The following CEP85L variants were observed in gnomAD, a reference collection of about 807,000 sequenced individuals.
CEP85L encodes the protein centrosomal protein 85L.
A neutral mutation model predicts 100.3 loss-of-function variants in CEP85L; 60 were observed. That is an observed-to-expected ratio of 0.60 (90% CI 0.49 to 0.74). CEP85L has a LOEUF of 0.74. Among genes scored for constraint, CEP85L ranks in the 30% least tolerant of loss-of-function variants. The pLI is 0.00. For synonymous variants in CEP85L, 319 were observed against 322.7 expected (o/e 0.99, Z 0.12); for missense variants, 973 against 936.2 (o/e 1.04, Z -0.51).
intron 3 of CEP85L, among the ~76,000 whole-genome samples, chr6:118,541,156 CG>C (rs894994777): frequency 3.9e-5 from 6 of 152,162 alleles, no homozygotes; most frequent in African/African-American, 1.4e-4. Flanking sequence ...AATACATTAA[CG>C]GGGCAGCCTT....
intron 3 of CEP85L, among the ~76,000 whole-genome samples, chr6:118,525,297 C>T (rs1301923433): frequency 6.6e-6 from 1 of 152,110 alleles, no homozygotes; most frequent in Admixed American, 6.6e-5. Flanking sequence ...TATATTTCTT[C>T]CGTTGAAAAA....
intron 1 of CEP85L, among the ~76,000 whole-genome samples, chr6:118,688,473 C>G (rs1375217533): frequency 6.6e-6 from 1 of 152,196 alleles, no homozygotes; most frequent in East Asian, 1.9e-4. Context: ...AAATGAAAAG[C>G]AGAAATTGGA....
upstream of CEP85L, among the ~76,000 whole-genome samples, chr6:118,655,032 TATGGTGAA>T (rs527709883): frequency 1.4e-3 from 210 of 152,300 alleles, no homozygotes; most frequent in African/African-American, 4.9e-3. Context: ...GTCCAGGAAT[TATGGTGAA>T]ATAGTACACT....
chr6:118,676,359 T>C (rs1776482685), intron 1 of CEP85L, among the ~76,000 whole-genome samples: 1 of 152,216 alleles, frequency 6.6e-6, no homozygotes, highest in Non-Finnish European at 1.5e-5. Context: ...TCTCTAGCCG[T>C]TGGTAAGCAC....
intron 2 of CEP85L, among the ~76,000 whole-genome samples, chr6:118,625,576 C>T (rs577256561): frequency 5.3e-5 from 8 of 152,240 alleles, no homozygotes; most frequent in South Asian, 2.1e-4. Flanking sequence ...CCTCCAAAAA[C>T]GAAGGGCCCT....
At chr6:118,527,002 CTTTTTTTTT>C (rs764883723) in intron 3 of CEP85L, among the ~76,000 whole-genome samples, 5 of 98,730 alleles carry the variant, frequency 5.1e-5, no homozygotes, top group South Asian at 8.3e-4. Context: ...TTTACTTTTT[CTTTTTTTTT>C]TTTTTTTTTT....
At chr6:118,608,857 T>C (rs1772424065) in intron 2 of CEP85L, among the ~76,000 whole-genome samples, 1 of 152,206 alleles carries the variant, frequency 6.6e-6, no homozygotes, top group East Asian at 1.9e-4. Flanking sequence ...TCATATACCA[T>C]AAATTGGCAG....
chr6:118,610,668 C>A (rs1273086543), intron 2 of CEP85L, among the ~76,000 whole-genome samples: 2 of 151,976 alleles, frequency 1.3e-5, no homozygotes, highest in Non-Finnish European at 2.9e-5. Flanking sequence ...GACAGTGCCC[C>A]ATAACTTTCA....
intron 2 of CEP85L, among the ~76,000 whole-genome samples, chr6:118,614,365 G>A (rs893994459): frequency 9.2e-5 from 14 of 152,134 alleles, no homozygotes; most frequent in African/African-American, 3.4e-4. Flanking sequence ...CATTGTGCTA[G>A]ATTCTTCTAG....
At chr6:118,493,018 G>C (rs1774675900) in intron 5 of CEP85L, among the ~76,000 whole-genome samples, 1 of 152,142 alleles carries the variant, frequency 6.6e-6, no homozygotes. Flanking sequence ...GAAGCCTTTA[G>C]ATGATTGTAA....
chr6:118,702,807 T>G (rs191989809), intron 1 of CEP85L, among the ~76,000 whole-genome samples: 3 of 152,152 alleles, frequency 2.0e-5, no homozygotes, highest in Non-Finnish European at 2.9e-5. Flanking sequence ...CTACCGTGGC[T>G]AACATGGTGA....
chr6:118,577,440 G>A (rs887226197), intron 2 of CEP85L, among the ~76,000 whole-genome samples: 7 of 152,138 alleles, frequency 4.6e-5, no homozygotes, highest in African/African-American at 1.4e-4. Context: ...TTATATAGAT[G>A]CCATCAGAGT....
chr6:118,637,677 G>A (rs1354769287), intron 1 of CEP85L, among the ~76,000 whole-genome samples: 49 of 123,230 alleles, frequency 4.0e-4, no homozygotes, highest in Non-Finnish European at 6.8e-4. Flanking sequence ...CTACACTCCA[G>A]CCTGGGTAAT....
intron 2 of CEP85L, among the ~76,000 whole-genome samples, chr6:118,568,927 A>C (rs991025313): frequency 3.9e-5 from 6 of 152,176 alleles, no homozygotes; most frequent in Non-Finnish European, 8.8e-5. Context: ...AAATCATCAT[A>C]GCCTCTAAAA....
intron 2 of CEP85L, among the ~76,000 whole-genome samples, chr6:118,607,697 TG>T (rs2115206697): frequency 6.6e-6 from 1 of 152,260 alleles, no homozygotes; most frequent in African/African-American, 2.4e-5. Flanking sequence ...TCCCCTAAGT[TG>T]GGCCTCTAAC....
chr6:118,666,899 GT>G (rs1776150140), intron 1 of CEP85L, among the ~76,000 whole-genome samples: 2 of 152,162 alleles, frequency 1.3e-5, no homozygotes, highest in South Asian at 4.1e-4. Flanking sequence ...GGGTCTGAAG[GT>G]ATAGACTAGA....
At chr6:118,671,260 A>G (rs1776296840) in intron 1 of CEP85L, among the ~76,000 whole-genome samples, 1 of 152,204 alleles carries the variant, frequency 6.6e-6, no homozygotes, top group Non-Finnish European at 1.5e-5. Flanking sequence ...ACTTTGCAGC[A>G]TACGTTTTGT....
At chr6:118,565,212 C>A (rs78530950) in intron 3 of CEP85L, 4 of 308,484 alleles carry the variant, frequency 1.3e-5, no homozygotes, top group South Asian at 8.1e-5. Flanking sequence ...TCTATTATAC[C>A]TATGCTAGCT....
At chr6:118,491,592 C>A in intron 6 of CEP85L, 94 bp downstream of exon 6, 2 of 1,504,032 alleles carry the variant, frequency 1.3e-6, no homozygotes, top group Non-Finnish European at 8.9e-7. Context: ...GTATACATAA[C>A]CTGGCATGAC....
Sources: allele counts gnomAD v4.1 joint callset (sites outside exome capture counted in the v4.1 genomes callset), GRCh38; gene constraint gnomAD v4.1.1; transcripts MANE v1.5; gene names NCBI Gene and HGNC (gene_info 2026-07-23, HGNC 2026-07-21).